Variants in DERA observed in about 807,000 individuals in gnomAD.
The protein encoded by DERA is 2-deoxy-D-ribose 5-phosphate aldolase.
Under a neutral mutation model 41.1 loss-of-function variants are expected in DERA, and 15 were observed. The observed-to-expected ratio is 0.37, with a 90% CI of 0.24 to 0.56. The LOEUF (loss-of-function observed/expected upper bound fraction) is 0.56. DERA is among the 20% of genes least tolerant of loss of function. DERA has a pLI of 0.81. For synonymous variants in DERA, 139 were observed against 137.4 expected (o/e 1.01, Z -0.08); for missense variants, 396 against 403.4 (o/e 0.98, Z 0.16).
In DERA at chr12:15,988,858, C is replaced by G. The variant is rs965735407; in HGVS notation, c.637+6422C>G. On this transcript the variant is annotated intron_variant, in intron 6 of 8. Coordinates refer to ENST00000428559, the MANE Select transcript of DERA (RefSeq NM_015954.4). This position sits in a 1 kb window ranked among gnomAD's most constrained non-coding sequence, Gnocchi z 6.0. ...CACCAAGCTGCCCTCAGCCCCTTGG[C>G]CTTTCTCCTATGCTTGTTGTCGCCC... 6.6e-6 allele frequency among the ~76,000 whole-genome samples: 1 copy of G among 152,194 alleles called. No individual in the cohort carries two copies. The highest frequency in any genetic ancestry group is 1.5e-5 in the Non-Finnish European group (1 of 68,020).
At chr12:15,939,500 A>G (rs1378905769) in intron 1 of DERA, among the ~76,000 whole-genome samples, 1 of 152,202 alleles carries the variant, frequency 6.6e-6, no homozygotes, top group Non-Finnish European at 1.5e-5. Context: ...CTCATTATTT[A>G]ATTTGTTCAA....
intron 1 of DERA, among the ~76,000 whole-genome samples, chr12:15,917,314 A>G (rs1450199057): frequency 1.3e-5 from 2 of 152,244 alleles, no homozygotes; most frequent in Admixed American, 6.5e-5. Context: ...AAAAATTTTT[A>G]GATTTCTGCA....
chr12:15,911,528 G>A lies in DERA; in HGVS notation c.31+114G>A. ...GGCTGTGGGTCCCCGAGGGGTTTTC[G>A]CTGGGGCGGGAAGCAGTGGCGTCTG... On this transcript the variant is annotated intron_variant, in intron 1 of 8. Transcript: ENST00000428559. The surrounding 1 kb of genome is among the most constrained non-coding windows in gnomAD (Gnocchi z 4.5). 1.8e-6 allele frequency: 2 copies of A among 1,099,128 alleles called. No individual in the cohort carries two copies. The highest frequency in any genetic ancestry group is 1.6e-5 in the African/African-American group (1 of 62,630). The allele number at this position is 1,099,128 out of a possible 1,614,324, so 68.1% of individuals were successfully genotyped here.
At chr12:15,929,719 G>GTACATA (rs1349295328) in intron 1 of DERA, among the ~76,000 whole-genome samples, 3 of 152,092 alleles carry the variant, frequency 2.0e-5, no homozygotes, top group African/African-American at 7.2e-5. Context: ...TAGTGCAAAG[G>GTACATA]TACATATACA....
chr12:16,036,819 T>G lies in DERA; in HGVS notation c.*73T>G. On this transcript the variant is annotated 3_prime_UTR_variant, in exon 9 of 9. Coordinates refer to ENST00000428559, the MANE Select transcript of DERA (RefSeq NM_015954.4). This position sits in a 1 kb window ranked among gnomAD's most constrained non-coding sequence, Gnocchi z 4.9. ...TATTTTTCTACGTAATTGCTAAAAT[T>G]ATTTAATTAAAAAATTGGGCAGTAG... 3 of 1,180,916 alleles carry G rather than the reference T, an allele frequency of 2.5e-6. No homozygotes were observed. The highest frequency in any genetic ancestry group is 3.6e-6 in the Non-Finnish European group (3 of 824,120). The allele number at this position is 1,180,916 out of a possible 1,614,324, so 73.2% of individuals were successfully genotyped here.
rs1178278433 is a variant in DERA, at chr12:15,962,730, A to G, written c.374-83A>G. ...TGATGAACTACTACTGACCAATTGA[A>G]ATTTGTTTTCCCCTCCCCCCCTTGC... On this transcript the variant is annotated intron_variant, in intron 4 of 8. Coordinates refer to ENST00000428559, the MANE Select transcript of DERA (RefSeq NM_015954.4). The G allele has an allele frequency of 2.5e-6, 3 of 1,224,058 alleles. No homozygotes were observed. The African/African-American group carries it at 4.6e-5, about 19-fold the overall frequency. 75.8% of individuals were successfully genotyped at this position (1,224,058 alleles called of 1,614,324 possible).
chr12:15,980,842 G>A (rs989389357), intron 5 of DERA, among the ~76,000 whole-genome samples: 1 of 152,144 alleles, frequency 6.6e-6, no homozygotes, highest in Non-Finnish European at 1.5e-5. Flanking sequence ...TCACTTCTGA[G>A]CTTCAAGTTC....
chr12:15,926,840 C>A (rs1374288763), intron 1 of DERA, among the ~76,000 whole-genome samples: 1 of 151,740 alleles, frequency 6.6e-6, no homozygotes, highest in African/African-American at 2.4e-5. Context: ...TAGCAGCTTT[C>A]AACAACTGGA....
intron 1 of DERA, among the ~76,000 whole-genome samples, chr12:15,956,253 T>C (rs922929646): frequency 1.3e-5 from 2 of 152,214 alleles, no homozygotes; most frequent in African/African-American, 4.8e-5. Flanking sequence ...AGGTAGAAAT[T>C]ACAGTTAACT....
rs561204410 is a variant in DERA, at chr12:16,011,503, G to T, written c.638-21039G>T. On this transcript the variant is annotated intron_variant, in intron 6 of 8. Coordinates refer to ENST00000428559, the MANE Select transcript of DERA (RefSeq NM_015954.4). The surrounding 1 kb of genome is among the most constrained non-coding windows in gnomAD (Gnocchi z 4.7). ...GTTTCGATTTTGGAGCATTTCAGAC[G>T]TTCAGATTTGGGATGCTCTACTTGT... Among the ~76,000 whole-genome samples the T allele has an allele frequency of 6.6e-6, 1 of 152,100 alleles. No homozygotes were observed. The highest frequency in any genetic ancestry group is 2.4e-5 in the African/African-American group (1 of 41,426).
chr12:16,027,792 A>C (rs932631572), intron 6 of DERA, among the ~76,000 whole-genome samples: 6 of 152,202 alleles, frequency 3.9e-5, no homozygotes, highest in African/African-American at 1.4e-4. Flanking sequence ...AAAGATATAA[A>C]ACTGTCTTTG....
chr12:16,005,674 C>T (rs949850027), intron 6 of DERA, among the ~76,000 whole-genome samples: 1 of 152,092 alleles, frequency 6.6e-6, no homozygotes, highest in African/African-American at 2.4e-5. Context: ...TTAGAAAAGA[C>T]CCTGCAAGTT....
chr12:15,984,804 G>T lies in DERA; in HGVS notation c.637+2368G>T, dbSNP rs1056633815. On this transcript the variant is annotated intron_variant, in intron 6 of 8. Transcript: ENST00000428559. This position sits in a 1 kb window ranked among gnomAD's most constrained non-coding sequence, Gnocchi z 4.5. ...TTATACTTCCTACTCTGTTAAGAAG[G>T]TATATAATAGAATTGAAGTATTCTT... Among the ~76,000 whole-genome samples, 1 of 152,130 alleles carries T rather than the reference G, an allele frequency of 6.6e-6. No homozygotes were observed. The highest frequency in any genetic ancestry group is 6.5e-5 in the Admixed American group (1 of 15,274).
chr12:16,019,474 A>G lies in DERA; in HGVS notation c.638-13068A>G, dbSNP rs1344163086. On this transcript the variant is annotated intron_variant, in intron 6 of 8. Transcript: ENST00000428559. This position sits in a 1 kb window ranked among gnomAD's most constrained non-coding sequence, Gnocchi z 4.4. ...CTGTGGGTTCAAAGCTCTCTATAAT[A>G]TTTTCCTAAGGGATATTTACAGTCA... is the stretch of plus-strand genomic sequence containing the variant. Among the ~76,000 whole-genome samples, 2 of 152,088 alleles carry G rather than the reference A, an allele frequency of 1.3e-5. No individual in the cohort carries two copies. Among genetic ancestry groups the G allele is most frequent in the Non-Finnish European group, 2.9e-5 (2 of 68,018 alleles).
At chr12:15,955,999 G>A (rs1305801008) in intron 1 of DERA, among the ~76,000 whole-genome samples, 1 of 152,182 alleles carries the variant, frequency 6.6e-6, no homozygotes, top group Non-Finnish European at 1.5e-5. Flanking sequence ...TTACCGTGAG[G>A]CCACCTATGT....
At chr12:15,923,486 C>T (rs1012868442) in intron 1 of DERA, among the ~76,000 whole-genome samples, 1 of 152,262 alleles carries the variant, frequency 6.6e-6, no homozygotes, top group African/African-American at 2.4e-5. Flanking sequence ...CTCTGGCCAG[C>T]ATAATCTTCT....
In DERA at chr12:16,009,719, A is replaced by G. The variant is rs1487514999; in HGVS notation, c.638-22823A>G. Among the ~76,000 whole-genome samples the G allele has an allele frequency of 1.3e-5, 2 of 152,204 alleles. No homozygotes were observed. The highest frequency in any genetic ancestry group is 4.8e-5 in the African/African-American group (2 of 41,444). ...ATTTTGACATTTAATAACCTTCCTGAAATACATGGGAGAAATTATATCTAC... is the reference window on the plus strand; with the variant it reads ...ATTTTGACATTTAATAACCTTCCTGGAATACATGGGAGAAATTATATCTAC... On this transcript the variant is annotated intron_variant, in intron 6 of 8. Coordinates refer to ENST00000428559, the MANE Select transcript of DERA (RefSeq NM_015954.4). The surrounding 1 kb of genome is among the most constrained non-coding windows in gnomAD (Gnocchi z 5.3).
chr12:15,925,449 G>A (rs1459633251), intron 1 of DERA, among the ~76,000 whole-genome samples: 1 of 151,970 alleles, frequency 6.6e-6, no homozygotes, highest in African/African-American at 2.4e-5. Flanking sequence ...AAACTTTGGA[G>A]AACGAATCAA....
At chr12:16,015,708 G>A (rs1948976817) in intron 6 of DERA, among the ~76,000 whole-genome samples, 3 of 152,172 alleles carry the variant, frequency 2.0e-5, no homozygotes, top group Non-Finnish European at 4.4e-5. Flanking sequence ...TGATTAGAGA[G>A]GAGGCCTGGA....
Sources: allele counts gnomAD v4.1 joint callset (sites outside exome capture counted in the v4.1 genomes callset), GRCh38; gene constraint gnomAD v4.1.1; non-coding constraint Gnocchi (gnomAD v3.1); transcripts MANE v1.5; gene names NCBI Gene and HGNC (gene_info 2026-07-23, HGNC 2026-07-21).